The following ZC3H12B variants were observed in gnomAD, a reference collection of about 807,000 sequenced individuals.
ZC3H12B encodes probable ribonuclease ZC3H12B.
In ZC3H12B, 7 loss-of-function variants were observed where a neutral mutation model predicts 43.9. The ratio of observed to expected loss-of-function variants is 0.16; its 90% confidence interval spans 0.09 to 0.30. ZC3H12B has a LOEUF of 0.30. ZC3H12B is among the 10% of genes least tolerant of loss of function. The pLI is 1.00. For missense variants in ZC3H12B, 475 were observed against 670.2 expected (o/e 0.71, Z 3.22); for synonymous variants, 222 against 241.7 (o/e 0.92, Z 0.76).
At chrX:65,138,163 G>A in the ZC3H12B span, among the ~76,000 whole-genome samples, 1 of 112,236 alleles carries the variant, frequency 8.9e-6, no homozygotes, top group Non-Finnish European at 1.9e-5. Flanking sequence ...TAGTCACCAA[G>A]TTGTATAATA....
chrX:65,306,348 G>A, the ZC3H12B span, among the ~76,000 whole-genome samples: 2 of 111,787 alleles, frequency 1.8e-5, no homozygotes, highest in African/African-American at 6.5e-5. Flanking sequence ...TATAGATTCA[G>A]CCATTCCACT....
chrX:65,075,323 A>T, the ZC3H12B span, among the ~76,000 whole-genome samples: 2 of 112,573 alleles, frequency 1.8e-5, no homozygotes, highest in African/African-American at 3.2e-5. Context: ...TTTCTTGGTC[A>T]GACCCCAAAA....
chrX:65,270,046 G>A, the ZC3H12B span, among the ~76,000 whole-genome samples: 1 of 110,658 alleles, frequency 9.0e-6, no homozygotes, highest in Non-Finnish European at 1.9e-5. Flanking sequence ...AAATTTGCAT[G>A]GTACCATAAA....
the ZC3H12B span, among the ~76,000 whole-genome samples, chrX:65,140,415 T>C: frequency 8.9e-6 from 1 of 112,057 alleles, no homozygotes; most frequent in South Asian, 3.7e-4. Context: ...TTGTATATAT[T>C]GAACTATCCT....
At chrX:65,159,321 TGATGGG>T in the ZC3H12B span, among the ~76,000 whole-genome samples, 1 of 112,051 alleles carries the variant, frequency 8.9e-6, no homozygotes, top group African/African-American at 3.2e-5. Flanking sequence ...ATTGGTAGCT[TGATGGG>T]GATGTCATTG....
At chrX:65,493,089 G>A (rs2068227982) in intron 1 of ZC3H12B, among the ~76,000 whole-genome samples, 1 of 110,768 alleles carries the variant, frequency 9.0e-6, no homozygotes, top group Admixed American at 9.6e-5. Flanking sequence ...GGGTGACAGA[G>A]CAAGACCCTG....
the ZC3H12B span, among the ~76,000 whole-genome samples, chrX:65,189,972 G>C: frequency 1.8e-5 from 2 of 109,821 alleles, no homozygotes; most frequent in African/African-American, 6.8e-5. Context: ...ATTGATTTTT[G>C]TATAAGGTGT....
At chrX:65,212,196 TATA>T in the ZC3H12B span, among the ~76,000 whole-genome samples, 2 of 35,819 alleles carry the variant, frequency 5.6e-5, no homozygotes, top group Non-Finnish European at 9.5e-5. Context: ...TATTATATAA[TATA>T]ATTATTATAT....
At chrX:65,265,971 G>A in the ZC3H12B span, among the ~76,000 whole-genome samples, 2 of 111,573 alleles carry the variant, frequency 1.8e-5, no homozygotes, top group East Asian at 5.7e-4. Flanking sequence ...CATAGTGGGT[G>A]GTAACACAAC....
chrX:65,115,244 T>C, the ZC3H12B span, among the ~76,000 whole-genome samples: 1 of 109,041 alleles, frequency 9.2e-6, no homozygotes. Context: ...CAATGTACTA[T>C]TCTTATGCCT....
At chrX:65,171,342 G>T in the ZC3H12B span, among the ~76,000 whole-genome samples, 270 of 111,254 alleles carry the variant, frequency 2.4e-3, 1 homozygote, top group African/African-American at 8.6e-3. Flanking sequence ...CACCAGCAGA[G>T]GCTGCAGAAT....
chrX:65,218,636 C>A, the ZC3H12B span, among the ~76,000 whole-genome samples: 1 of 110,523 alleles, frequency 9.0e-6, no homozygotes, highest in African/African-American at 3.3e-5. Flanking sequence ...AGGAACCACA[C>A]CCCCATCCCC....
At chrX:65,395,053 A>G (rs1263217868) in intron 2 of ZC3H12B, among the ~76,000 whole-genome samples, 2 of 111,863 alleles carry the variant, frequency 1.8e-5, no homozygotes, top group East Asian at 5.6e-4. Flanking sequence ...TTGCACATTG[A>G]ATTTCCTTCC....
intron 3 of ZC3H12B, among the ~76,000 whole-genome samples, chrX:65,478,899 C>A (rs2068029542): frequency 8.9e-6 from 1 of 112,229 alleles, no homozygotes; most frequent in Admixed American, 9.5e-5. Context: ...ATCTGATTCC[C>A]AGCTTTTCCT....
intron 3 of ZC3H12B, among the ~76,000 whole-genome samples, chrX:65,452,614 G>A (rs1357673862): frequency 1.8e-5 from 2 of 111,753 alleles, no homozygotes; most frequent in Non-Finnish European, 3.8e-5. Context: ...GCCGAGGTGG[G>A]TGGATCAACT....
At chrX:65,168,731 C>G in the ZC3H12B span, among the ~76,000 whole-genome samples, 5 of 111,219 alleles carry the variant, frequency 4.5e-5, no homozygotes, top group African/African-American at 1.6e-4. Flanking sequence ...TGTTACTGGT[C>G]TATTCAGCAA....
chrX:65,374,140 ACTATATATACAGTGTATATATAT>A (rs2066310613), intron 2 of ZC3H12B, among the ~76,000 whole-genome samples: 1 of 76,803 alleles, frequency 1.3e-5, no homozygotes, highest in Non-Finnish European at 2.3e-5. Context: ...TGTATATATA[ACTATATATACAGTGTATATATAT>A]AGTTATATAT....
chrX:65,056,725 A>T, the ZC3H12B span, among the ~76,000 whole-genome samples: 2 of 110,689 alleles, frequency 1.8e-5, no homozygotes, highest in Admixed American at 1.9e-4. Flanking sequence ...GTGGGAGTCT[A>T]AATCTCTTTC....
chrX:65,477,817 C>CTGTGTGTGTG (rs746164349), intron 3 of ZC3H12B, among the ~76,000 whole-genome samples: 9 of 92,980 alleles, frequency 9.7e-5, no homozygotes, highest in Non-Finnish European at 1.7e-4. Flanking sequence ...AAACATTCCT[C>CTGTGTGTGTG]TGTGTGTGTG....
Sources: gnomAD v4.1 joint callset for allele counts (sites outside exome capture counted in the v4.1 genomes callset) on GRCh38, gnomAD v4.1.1 for gene constraint, MANE v1.5 for transcripts, NCBI Gene and HGNC (gene_info 2026-07-23, HGNC 2026-07-21) for gene names.